Variants in PTPRF observed in about 807,000 individuals in gnomAD.
PTPRF encodes protein tyrosine phosphatase receptor type F, also known as receptor-type tyrosine-protein phosphatase F.
PTPRF carries 59 observed loss-of-function variants against 201.8 expected under a neutral mutation model. That is an observed-to-expected ratio of 0.29 (90% CI 0.24 to 0.36). The LOEUF is 0.36. PTPRF is among the 10% of genes least tolerant of loss of function. The pLI, the probability that PTPRF is intolerant of heterozygous loss-of-function variation, is 1.00. For synonymous variants in PTPRF, 1,088 were observed against 1,089.7 expected (o/e 1.00, Z 0.03); for missense variants, 2,132 against 2,690.5 (o/e 0.79, Z 4.59).
intron 5 of PTPRF, among the ~76,000 whole-genome samples, chr1:43,557,018 G>A (rs149924738): frequency 2.0e-5 from 3 of 152,346 alleles, no homozygotes; most frequent in African/African-American, 2.4e-5. Flanking sequence ...TTCCCCACTC[G>A]TGACCTGGGG....
chr1:43,606,690 G>A, intron 20 of PTPRF, 124 bp from the exon 21 acceptor site: 3 of 1,373,966 alleles, frequency 2.2e-6, no homozygotes, highest in Admixed American at 2.0e-5. Flanking sequence ...GGTCCACCTT[G>A]TAGGGTCTGG....
At chr1:43,609,150 GCC>G (rs1156918811) in intron 21 of PTPRF, among the ~76,000 whole-genome samples, 2 of 152,046 alleles carry the variant, frequency 1.3e-5, no homozygotes, top group Non-Finnish European at 2.9e-5. Flanking sequence ...CTGCTGCACT[GCC>G]CCTCTGCTCA....
At chr1:43,539,604 G>C (rs977368106) in intron 2 of PTPRF, among the ~76,000 whole-genome samples, 2 of 152,216 alleles carry the variant, frequency 1.3e-5, no homozygotes, top group African/African-American at 4.8e-5. Context: ...GGTGAGATGG[G>C]CACTGGGGTT....
At chr1:43,600,053 C>A (rs560406919) in intron 13 of PTPRF, among the ~76,000 whole-genome samples, 2 of 152,338 alleles carry the variant, frequency 1.3e-5, no homozygotes, top group African/African-American at 4.8e-5. Flanking sequence ...CAGCTGGGCT[C>A]AGCCATCTGA....
Position 43,537,530 on chromosome 1 carries a change from C to T in PTPRF, c.-125-668C>T, listed in dbSNP as rs1644099337. ...GGGGATACGGAAATGAGCTGGGCAG[C>T]CACAGTCCATGCTCCTATCAAGCTT... On this transcript the variant is annotated intron_variant, in intron 1 of 33. Transcript: ENST00000359947. The surrounding 1 kb of genome is among the most constrained non-coding windows in gnomAD (Gnocchi z 4.8). 6.6e-6 allele frequency among the ~76,000 whole-genome samples: 1 copy of T among 152,170 alleles called. No homozygotes were observed. Among genetic ancestry groups the T allele is most frequent in the Admixed American group, 6.5e-5 (1 of 15,272 alleles).
At chr1:43,568,506 C>T (rs1157383084) in intron 5 of PTPRF, among the ~76,000 whole-genome samples, 1 of 152,188 alleles carries the variant, frequency 6.6e-6, no homozygotes, top group Admixed American at 6.5e-5. Flanking sequence ...TGATCAGATA[C>T]AGACCTCACA....
At chr1:43,568,226 C>T (rs1212908178) in intron 5 of PTPRF, among the ~76,000 whole-genome samples, 30 of 150,710 alleles carry the variant, frequency 2.0e-4, no homozygotes, top group African/African-American at 6.8e-4. Context: ...ACCCAGGAGG[C>T]GGAGGTTGCG....
At chr1:43,611,451 GAGTT>G (rs1430820255) in intron 22 of PTPRF, among the ~76,000 whole-genome samples, 1 of 152,174 alleles carries the variant, frequency 6.6e-6, no homozygotes, top group Non-Finnish European at 1.5e-5. Flanking sequence ...TGCAGCATGA[GAGTT>G]AGGGGCTTGG....
intron 20 of PTPRF, 59 bp from the exon 21 acceptor site, chr1:43,606,755 C>T: frequency 6.3e-7 from 1 of 1,585,158 alleles, no homozygotes; most frequent in South Asian, 1.1e-5. Flanking sequence ...GATTAATAGG[C>T]AGAGGGTGGG....
At chr1:43,586,847 A>T (rs1220912320) in intron 7 of PTPRF, among the ~76,000 whole-genome samples, 1 of 152,196 alleles carries the variant, frequency 6.6e-6, no homozygotes, top group African/African-American at 2.4e-5. Context: ...TCGCTTTTCT[A>T]ATAGTTTCTG....
chr1:43,568,776 CTA>C (rs1646362540), intron 5 of PTPRF, among the ~76,000 whole-genome samples: 2 of 152,174 alleles, frequency 1.3e-5, no homozygotes, highest in Admixed American at 6.5e-5. Flanking sequence ...TCCTCTTACT[CTA>C]TGCTAGTGAC....
At chr1:43,579,124 T>G (rs1019629857) in intron 7 of PTPRF, 44 of 708,260 alleles carry the variant, frequency 6.2e-5, no homozygotes, top group Non-Finnish European at 1.1e-4. Context: ...CTTCCTTCCT[T>G]GCAGGCCCAT....
intron 8 of PTPRF, 62 bp downstream of exon 8, chr1:43,589,062 G>C: frequency 6.9e-7 from 1 of 1,457,922 alleles, no homozygotes; most frequent in Non-Finnish European, 9.1e-7. Flanking sequence ...CTGGTGGTGG[G>C]CGAATGTGAG....
rs1159824269 is a variant in PTPRF at position 43,598,924 on chromosome 1, G to A, written c.2313+11G>A. 6.2e-7 allele frequency: 1 copy of A among 1,610,242 alleles called. No individual in the cohort carries two copies. The highest frequency in any genetic ancestry group is 1.3e-5 in the African/African-American group (1 of 75,002). On this transcript the variant is annotated intron_variant, in intron 13 of 33. Transcript: ENST00000359947. ...CTAGCCGAGGCCCAGGTGCAGCATTGGGTGGTGGTGGGGTGGCAGGGTGAG... is the reference window on the plus strand; with the variant it reads ...CTAGCCGAGGCCCAGGTGCAGCATTAGGTGGTGGTGGGGTGGCAGGGTGAG...
chr1:43,558,115 C>T (rs956005942), intron 5 of PTPRF, among the ~76,000 whole-genome samples: 1 of 152,184 alleles, frequency 6.6e-6, no homozygotes, highest in Non-Finnish European at 1.5e-5. Flanking sequence ...TGGGAGGCCA[C>T]CACAGGGTAC....
intron 7 of PTPRF, chr1:43,579,270 A>G (rs1647155416): frequency 3.9e-6 from 2 of 508,632 alleles, no homozygotes; most frequent in Non-Finnish European, 7.9e-6. Context: ...ACACGGGCAC[A>G]CTTATCTGTG....
intron 6 of PTPRF, among the ~76,000 whole-genome samples, chr1:43,570,039 T>G (rs1646463743): frequency 6.6e-6 from 1 of 152,186 alleles, no homozygotes. Context: ...GATGTGCCAG[T>G]GTGGTGGACT....
chr1:43,541,695 GGACAGTTCTTCC>G (rs58829390), intron 2 of PTPRF, among the ~76,000 whole-genome samples: 99,115 of 151,874 alleles, frequency 0.65, 32,509 homozygotes, highest in South Asian at 0.83. Flanking sequence ...TGAGAATAAA[GGACAGTTCTTCC>G]CAAGAAAGGG....
Position 43,591,219 on chromosome 1 carries a change from G to A in PTPRF, c.1197G>A (p.Pro399=), listed in dbSNP as rs369493163. 7.5e-6 allele frequency: 12 copies of A among 1,602,154 alleles called. No individual in the cohort carries two copies. The highest frequency in any genetic ancestry group is 2.2e-5 in the East Asian group (1 of 44,572). The change falls in exon 9 of 34, where the codon CCG becomes CCA. Residue 399 remains proline, a synonymous_variant. Transcript: ENST00000359947. ...CGGTGAACAGCATCGGGCGAGGGCC[G>A]CCCAGCGAGGCAGTGCGGGCACGCA... ...VLAVNSIGRG[P]PSEAVRARTG... is the part of the protein sequence containing the mutation.
Sources: gnomAD v4.1 joint callset for allele counts (sites outside exome capture counted in the v4.1 genomes callset) on GRCh38, gnomAD v4.1.1 for gene constraint, Gnocchi (gnomAD v3.1) non-coding constraint, MANE v1.5 for transcripts, NCBI Gene and HGNC (gene_info 2026-07-23, HGNC 2026-07-21) for gene names.